Variants in SGCZ observed in about 807,000 individuals in gnomAD.
SGCZ encodes sarcoglycan zeta.
Under a neutral mutation model 41.3 loss-of-function variants are expected in SGCZ, and 40 were observed. That is an observed-to-expected ratio of 0.97 (90% CI 0.75 to 1.26). The LOEUF (loss-of-function observed/expected upper bound fraction) is 1.26, where lower values mean the gene tolerates loss of function less well. Among genes scored for constraint, SGCZ ranks in the 50% most tolerant of loss-of-function variants. SGCZ has a pLI of 0.00. For missense variants in SGCZ, 552 were observed against 369.8 expected (o/e 1.49, Z -4.04); for synonymous variants, 206 against 137.5 (o/e 1.50, Z -3.49).
At chr8:14,413,807 A>G (rs1035694085) in intron 2 of SGCZ, among the ~76,000 whole-genome samples, 2 of 151,986 alleles carry the variant, frequency 1.3e-5, no homozygotes, top group African/African-American at 4.8e-5. Context: ...ACCCATTCAT[A>G]CATATATGGT....
Position 14,106,073 on chromosome 8 carries a change from C to T in SGCZ, c.620+2090G>A, listed in dbSNP as rs189450918. 9.1e-3 allele frequency among the ~76,000 whole-genome samples: 1,384 copies of T among 152,262 alleles called. 9 individuals are homozygous for T. Among genetic ancestry groups the T allele is most frequent in the Non-Finnish European group, 0.013 (877 of 67,996 alleles). On this transcript the variant is annotated intron_variant, in intron 6 of 7. Transcript: ENST00000382080. Reference sequence around the variant, plus strand: ...CCTTTGTAATAACTGCAGCCACTTTCCTTATATCCCATTCATTTAGTTAAT... The same window carrying T: ...CCTTTGTAATAACTGCAGCCACTTTTCTTATATCCCATTCATTTAGTTAAT...
At chr8:14,278,399 G>A (rs1800307727) in intron 3 of SGCZ, among the ~76,000 whole-genome samples, 2 of 151,962 alleles carry the variant, frequency 1.3e-5, no homozygotes, top group Admixed American at 6.6e-5. Flanking sequence ...CATGTGTTCT[G>A]CTTCTCCTTA....
At chr8:15,040,045 C>G (rs759823869) in intron 1 of SGCZ, among the ~76,000 whole-genome samples, 1 of 152,094 alleles carries the variant, frequency 6.6e-6, no homozygotes, top group Non-Finnish European at 1.5e-5. Flanking sequence ...AAAATGCAAA[C>G]TTAATGTCAT....
At chr8:14,497,983 T>A (rs1802041429) in intron 2 of SGCZ, among the ~76,000 whole-genome samples, 1 of 152,150 alleles carries the variant, frequency 6.6e-6, no homozygotes, top group African/African-American at 2.4e-5. Flanking sequence ...TCACACAATA[T>A]CATCTATAAG....
chr8:14,413,352 T>G (rs1799411542), intron 2 of SGCZ, among the ~76,000 whole-genome samples: 1 of 126,320 alleles, frequency 7.9e-6, no homozygotes, highest in South Asian at 2.2e-4. Context: ...ATCCTTACTT[T>G]TTAAGCTATT....
At chr8:15,057,911 C>A (rs1008197195) in intron 1 of SGCZ, among the ~76,000 whole-genome samples, 12 of 152,142 alleles carry the variant, frequency 7.9e-5, no homozygotes, top group Non-Finnish European at 1.3e-4. Context: ...CTAATCTGGG[C>A]CAAGCCTAGT....
At chr8:14,877,292 T>C (rs1181612263) in intron 1 of SGCZ, among the ~76,000 whole-genome samples, 1 of 152,176 alleles carries the variant, frequency 6.6e-6, no homozygotes, top group Non-Finnish European at 1.5e-5. Flanking sequence ...ATTATGTAAG[T>C]ATCTCTTTGT....
intron 1 of SGCZ, among the ~76,000 whole-genome samples, chr8:15,127,848 A>T (rs925271585): frequency 6.6e-6 from 1 of 152,220 alleles, no homozygotes. Context: ...TAATTTTTAC[A>T]TTTCCAGTTT....
chr8:14,420,902 G>A (rs1321628125), intron 2 of SGCZ, among the ~76,000 whole-genome samples: 1 of 152,024 alleles, frequency 6.6e-6, no homozygotes, highest in South Asian at 2.1e-4. Flanking sequence ...GTTCTTTCCA[G>A]ATTTAACGAA....
At chr8:15,025,847 A>T (rs1803437011) in intron 1 of SGCZ, among the ~76,000 whole-genome samples, 1 of 152,230 alleles carries the variant, frequency 6.6e-6, no homozygotes. Context: ...CCTAAACTGT[A>T]ATTTTTATAT....
intron 2 of SGCZ, among the ~76,000 whole-genome samples, chr8:14,507,844 T>C (rs1176556063): frequency 2.0e-5 from 3 of 151,280 alleles, no homozygotes; most frequent in Non-Finnish European, 4.4e-5. Flanking sequence ...CGATCTCAGC[T>C]TACCGCAATC....
chr8:15,234,103 G>C (rs1013182872), intron 1 of SGCZ, among the ~76,000 whole-genome samples: 1 of 152,134 alleles, frequency 6.6e-6, no homozygotes, highest in African/African-American at 2.4e-5. Flanking sequence ...TCTCCTATGA[G>C]TAAATCTTAC....
intron 1 of SGCZ, among the ~76,000 whole-genome samples, chr8:15,158,489 G>A (rs1040658394): frequency 4.6e-5 from 7 of 152,150 alleles, no homozygotes; most frequent in Non-Finnish European, 1.0e-4. Flanking sequence ...TCTAAAAGGT[G>A]CATAGTGTGA....
intron 5 of SGCZ, among the ~76,000 whole-genome samples, chr8:14,127,404 C>G (rs925446592): frequency 7.9e-5 from 12 of 152,078 alleles, no homozygotes; most frequent in African/African-American, 2.7e-4. Context: ...TGTTACCAAT[C>G]TCATCACTTT....
chr8:14,576,372 A>G (rs1332948283), intron 1 of SGCZ, among the ~76,000 whole-genome samples: 1 of 152,228 alleles, frequency 6.6e-6, no homozygotes, highest in Admixed American at 6.5e-5. Context: ...GAGTTTTAGA[A>G]TCAGTCCAGG....
intron 3 of SGCZ, among the ~76,000 whole-genome samples, chr8:14,239,689 T>A (rs982593146): frequency 6.6e-6 from 1 of 151,150 alleles, no homozygotes; most frequent in South Asian, 2.1e-4. Flanking sequence ...GATCACGAGG[T>A]CAGGAGATCG....
At chr8:15,153,737 T>C (rs956130327) in intron 1 of SGCZ, among the ~76,000 whole-genome samples, 1 of 152,056 alleles carries the variant, frequency 6.6e-6, no homozygotes, top group Non-Finnish European at 1.5e-5. Flanking sequence ...CGAGGAAAAG[T>C]TTCTCCAAGC....
rs188114834 is a variant in SGCZ, at chr8:14,345,611, T to C, written c.235-21407A>G. 2.5e-3 allele frequency among the ~76,000 whole-genome samples: 376 copies of C among 152,220 alleles called. 9 individuals are homozygous for C. The East Asian group carries it at 0.055, about 22-fold the overall frequency. ...TTTAATAACGTGAGTTAAGCCTAAGTCTAGTGCTATTGAAAACTTATTTCC... is the reference window on the plus strand; with the variant it reads ...TTTAATAACGTGAGTTAAGCCTAAGCCTAGTGCTATTGAAAACTTATTTCC... On this transcript the variant is annotated intron_variant, in intron 2 of 7. Transcript: ENST00000382080.
chr8:14,755,317 G>T (rs984481279), intron 1 of SGCZ, among the ~76,000 whole-genome samples: 1 of 152,032 alleles, frequency 6.6e-6, no homozygotes, highest in Non-Finnish European at 1.5e-5. Flanking sequence ...ACATTAAAAT[G>T]CACTTTCTAT....
Sources: gnomAD v4.1 joint callset for allele counts (sites outside exome capture counted in the v4.1 genomes callset) on GRCh38, gnomAD v4.1.1 for gene constraint, MANE v1.5 for transcripts, NCBI Gene and HGNC (gene_info 2026-07-23, HGNC 2026-07-21) for gene names.